The following ACY1 variants were observed in gnomAD, a reference collection of about 807,000 sequenced individuals.
ACY1 encodes aminoacylase 1, also known as aminoacylase-1.
A neutral mutation model predicts 53.3 loss-of-function variants in ACY1; 38 were observed. That is an observed-to-expected ratio of 0.71 (90% CI 0.55 to 0.93). The LOEUF (loss-of-function observed/expected upper bound fraction) is 0.93, where lower values mean the gene tolerates loss of function less well. Ranked by LOEUF, ACY1 falls within the 40% of genes least tolerant of loss-of-function variation. The pLI is 0.00. For synonymous variants in ACY1, 177 were observed against 202.1 expected (o/e 0.88, Z 1.05); for missense variants, 484 against 540.9 (o/e 0.89, Z 1.04).
chr3:51,983,691 T>G, intron 1 of ACY1, 102 bp downstream of exon 1: 1 of 296,122 alleles, frequency 3.4e-6, no homozygotes, highest in Non-Finnish European at 6.4e-6. Flanking sequence ...TTGTTTTTGT[T>G]TTTGCCTTTT....
intron 12 of ACY1, chr3:51,988,263 A>T (rs760214013): frequency 3.5e-6 from 2 of 577,604 alleles, no homozygotes; most frequent in Non-Finnish European, 6.2e-6. Context: ...GGTCTGGGGG[A>T]GCCATCTTGA....
rs6804746 is a variant in ACY1 at position 51,989,025 on chromosome 3, C to G, written c.1177C>G (p.Arg393Gly). ...CCTCCGTGGGGTGGACATATATACA[C>G]GCCTGCTGCCTGCCCTTGCCAGTGT... is the stretch of plus-strand genomic sequence containing the variant. ...VFLRGVDIYT[R>G]LLPALASVPA... The change falls in exon 15 of 15, where the codon CGC becomes GGC. Residue 393 changes from arginine (R) to glycine (G), a missense_variant. Arg to Gly is a moderately radical substitution (Grantham distance 125). Transcript: ENST00000636358. The G allele has an allele frequency of 5.6e-6, 9 of 1,614,078 alleles. No individual in the cohort carries two copies. Among genetic ancestry groups the G allele is most frequent in the South Asian group, 5.5e-5 (5 of 91,088 alleles).
chr3:51,988,002 A>C (rs1403321160), intron 12 of ACY1: 9 of 300,300 alleles, frequency 3.0e-5, no homozygotes, highest in Non-Finnish European at 5.7e-5. Context: ...AGTAGTTGGG[A>C]TTACAGGCAC....
Position 51,988,939 on chromosome 3 carries a change from C to A in ACY1, c.1091C>A (p.Pro364His), listed in dbSNP as rs747264873. The A allele has an allele frequency of 1.2e-6, 2 of 1,614,236 alleles. No homozygotes were observed. Among genetic ancestry groups the A allele is most frequent in the Non-Finnish European group, 1.7e-6 (2 of 1,180,036 alleles). The change falls in exon 15 of 15, where the codon CCC (proline) becomes CAC (histidine). Residue 364 changes from proline (P) to histidine (H), a missense_variant. Transcript: ENST00000636358. ...AVGVPALGFS[P>H]MNRTPVLLHD... ...GGGGTCCCAGCTCTAGGCTTCTCAC[C>A]CATGAACCGCACACCTGTGCTGCTG...
At position 51,989,116 on chromosome 3, in the gene ACY1, C is replaced by T. The variant is rs1485946941; in HGVS notation, c.*41C>T. On this transcript the variant is annotated 3_prime_UTR_variant, in exon 15 of 15. Transcript: ENST00000636358. ...AACCTTTGCCCCTGGGGCTTCCATC[C>T]CAACCAGTGCCAAGGACCTCCTCTT... The T allele has an allele frequency of 6.2e-7, 1 of 1,608,086 alleles. No individual in the cohort carries two copies. The highest frequency in any genetic ancestry group is 1.7e-5 in the Admixed American group (1 of 60,016).
chr3:51,985,230 G>C lies in ACY1; in HGVS notation c.118G>C (p.Glu40Gln). ...DYGAAVAFFE[E>Q]TARQLGLGCQ... is the part of the protein sequence containing the mutation. ...AGGAGCTGCTGTGGCTTTCTTTGAG[G>C]AGACAGCCCGCCAGCTGGGCCTGGG... The change falls in exon 3 of 15, where the codon GAG becomes CAG. Residue 40 changes from glutamate to glutamine, a missense_variant. By Grantham distance (29) the Glu-to-Gln change is conservative. Transcript: ENST00000636358. 6.2e-7 allele frequency: 1 copy of C among 1,605,802 alleles called. No individual in the cohort carries two copies. Among genetic ancestry groups the C allele is most frequent in the Non-Finnish European group, 8.5e-7 (1 of 1,176,488 alleles).
In ACY1 at chr3:51,986,499, A is replaced by T; in HGVS notation, c.521A>T (p.Asp174Val). The change falls in exon 7 of 15, where the codon GAT becomes GTT. Residue 174 changes from aspartate (D) to valine (V), a missense_variant. By Grantham distance (152) the Asp-to-Val change is radical. Transcript: ENST00000636358. The stretch of plus-strand genomic sequence containing the variant: ...GCCCTGAGGGCAGGCTTTGCCCTGG[A>T]TGAGGGTGAGCAGGTTGGCAAGCCA... ...FHALRAGFALDEGIANPTDAF... is the reference protein window; with the variant it reads ...FHALRAGFALVEGIANPTDAF... 6.2e-7 allele frequency: 1 copy of T among 1,614,144 alleles called. No homozygotes were observed. The highest frequency in any genetic ancestry group is 1.3e-5 in the African/African-American group (1 of 75,044).
rs1269854325 is a variant in ACY1 at position 51,988,806 on chromosome 3, G to A, written c.1042G>A (p.Asp348Asn). 2 of 1,614,010 alleles carry A rather than the reference G, an allele frequency of 1.2e-6. No homozygotes were observed. Among genetic ancestry groups the A allele is most frequent in the African/African-American group, 1.3e-5 (1 of 74,894 alleles). Reference sequence around the variant, plus strand: ...GCCTGAGATCATGCCTGCTGCCACTGACAACCGCTATATCCGCGCGGTGAG... The same window carrying A: ...GCCTGAGATCATGCCTGCTGCCACTAACAACCGCTATATCCGCGCGGTGAG... Reference protein sequence around the residue: ...LEPEIMPAATDNRYIRAVGVP... With the variant: ...LEPEIMPAATNNRYIRAVGVP... The change falls in exon 14 of 15, where the codon GAC becomes AAC. Residue 348 changes from aspartate (D) to asparagine (N), a missense_variant. Transcript: ENST00000636358.
In ACY1 at chr3:51,987,197, G is replaced by A; in HGVS notation, c.707+1G>A. 1 of 1,614,164 alleles carries A rather than the reference G, an allele frequency of 6.2e-7. No homozygotes were observed. Among genetic ancestry groups the A allele is most frequent in the Non-Finnish European group, 8.5e-7 (1 of 1,180,010 alleles). ...CATTCCGGGAGAAGGAATGGCAGAG[G>A]TGAGGCAGCCTGGGAGGCAGTGGGG... On this transcript the variant is annotated splice_donor_variant, in intron 10 of 14. Coordinates refer to ENST00000636358, the MANE Select transcript of ACY1 (RefSeq NM_000666.3). LOFTEE classifies it high-confidence loss of function.
Position 51,984,126 on chromosome 3 carries a change from G to A in ACY1, c.62G>A (p.Arg21His), listed in dbSNP as rs761997050. ...PSVTLFRQYL[R>H]IRTVQPKPDY... ...GTGACGCTCTTCCGCCAGTACCTGC[G>A]TATCCGCACTGTCCAGCCCAAGCCT... The change falls in exon 2 of 15, where the codon CGT becomes CAT. Residue 21 changes from arginine (R) to histidine (H), a missense_variant. Physicochemically the swap from Arg to His is conservative, Grantham distance 29. Coordinates refer to ENST00000636358, the MANE Select transcript of ACY1 (RefSeq NM_000666.3). The A allele has an allele frequency of 4.3e-6, 7 of 1,613,918 alleles. No homozygotes were observed. Among genetic ancestry groups the A allele is most frequent in the East Asian group, 2.2e-5 (1 of 44,888 alleles).
chr3:51,986,046 ACACCGTGAC>A, intron 5 of ACY1, 100 bp downstream of exon 5: 1 of 1,241,744 alleles, frequency 8.1e-7, no homozygotes, highest in Non-Finnish European at 1.2e-6. Context: ...AGGCCAAGGA[ACACCGTGAC>A]CTCTTGGACA....
At chr3:51,987,252 A>G (rs546049836) in intron 10 of ACY1, 56 bp downstream of exon 10, 9 of 1,613,970 alleles carry the variant, frequency 5.6e-6, no homozygotes, top group Non-Finnish European at 7.6e-6. Flanking sequence ...CACAGAGGAT[A>G]GAGTCTGAGC....
chr3:51,985,596 C>A, intron 4 of ACY1, 131 bp downstream of exon 4: 1 of 862,420 alleles, frequency 1.2e-6, no homozygotes, highest in Non-Finnish European at 1.8e-6. Context: ...ATCCTTATGA[C>A]ATTACACCAC....
intron 1 of ACY1, 66 bp from the exon 2 acceptor site, chr3:51,983,981 C>G (rs1004530477): frequency 3.5e-5 from 42 of 1,197,444 alleles, no homozygotes; most frequent in Non-Finnish European, 7.4e-6. Flanking sequence ...TGGGGACAGG[C>G]TGTGTGCAGG....
At chr3:51,984,498 G>A in intron 2 of ACY1, 1 of 422,648 alleles carries the variant, frequency 2.4e-6, no homozygotes, top group Non-Finnish European at 4.4e-6. Flanking sequence ...GCTGGACAAA[G>A]GCCACAGCCC....
intron 12 of ACY1, 103 bp from the exon 13 acceptor site, chr3:51,988,421 G>A: frequency 3.0e-6 from 3 of 992,012 alleles, no homozygotes; most frequent in Non-Finnish European, 4.8e-6. Flanking sequence ...GTGAAGGAGT[G>A]GGGGTGGGGA....
intron 12 of ACY1, chr3:51,988,069 T>G (rs951811329): frequency 4.8e-5 from 15 of 314,852 alleles, no homozygotes; most frequent in African/African-American, 3.0e-4. Context: ...TTTCACCATG[T>G]TGGCCAGGCT....
chr3:51,989,132 A>C lies in ACY1; in HGVS notation c.*57A>C. The stretch of plus-strand genomic sequence containing the variant: ...GCTTCCATCCCAACCAGTGCCAAGG[A>C]CCTCCTCTTCCCCCTTCCAAATAAT... On this transcript the variant is annotated 3_prime_UTR_variant, in exon 15 of 15. Transcript: ENST00000636358. The C allele has an allele frequency of 6.2e-7, 1 of 1,600,072 alleles. No homozygotes were observed. Among genetic ancestry groups the C allele is most frequent in the Non-Finnish European group, 8.5e-7 (1 of 1,174,534 alleles).
intron 12 of ACY1, 194 bp from the exon 13 acceptor site, chr3:51,988,330 G>A (rs1039666331): frequency 1.5e-6 from 1 of 657,914 alleles, no homozygotes; most frequent in Non-Finnish European, 2.8e-6. Context: ...TAGACGGAGG[G>A]TGGGAAGGTC....
Sources: allele counts gnomAD v4.1 joint callset, GRCh38; gene constraint gnomAD v4.1.1; transcripts MANE v1.5; gene names NCBI Gene and HGNC (gene_info 2026-07-23, HGNC 2026-07-21).